Variants in HYDIN observed in about 807,000 individuals in gnomAD.
The protein encoded by HYDIN is HYDIN axonemal central pair apparatus protein, also known as axonemal central pair apparatus protein HYDIN.
In HYDIN, 132 loss-of-function variants were observed where a neutral mutation model predicts 403.9. The ratio of observed to expected loss-of-function variants is 0.33; its 90% CI spans 0.28 to 0.38. The LOEUF (loss-of-function observed/expected upper bound fraction) is 0.38, where lower values mean the gene tolerates loss of function less well. HYDIN is among the 10% of genes least tolerant of loss of function. HYDIN has a pLI of 1.00. For synonymous variants in HYDIN, 1,202 were observed against 1,891.7 expected, an observed-to-expected ratio of 0.64 and a Z score of 9.46; for missense variants, 2,827 against 5,009.5, an observed-to-expected ratio of 0.56 and a Z score of 13.15.
At chr16:70,840,767 T>C (rs1389992505) in intron 75 of HYDIN, among the ~76,000 whole-genome samples, 2 of 151,852 alleles carry the variant, frequency 1.3e-5, no homozygotes, top group African/African-American at 4.8e-5. Context: ...GGATGTCAGG[T>C]AGAATGGTCA....
At chr16:70,850,154 G>A (rs1266887315) in intron 74 of HYDIN, among the ~76,000 whole-genome samples, 1 of 152,078 alleles carries the variant, frequency 6.6e-6, no homozygotes, top group Non-Finnish European at 1.5e-5. Context: ...ATGGAGCAAA[G>A]TGGCAATTTA....
At chr16:70,841,944 G>A (rs1447819154) in intron 75 of HYDIN, among the ~76,000 whole-genome samples, 1 of 150,264 alleles carries the variant, frequency 6.7e-6, no homozygotes, top group Non-Finnish European at 1.5e-5. Flanking sequence ...ACAGGTTCCA[G>A]TGGTTTTACA....
rs531942220 is a variant in HYDIN, at chr16:70,802,787, T to C, written c.*4793A>G. ...AACTCGGCAAGTCATGGATATATCA[T>C]GTCTAGAAAAATCCATAAAAAATGT... On this transcript the variant is annotated 3_prime_UTR_variant, in exon 86 of 86. Coordinates refer to ENST00000393567, the MANE Select transcript of HYDIN (RefSeq NM_001270974.2). 1.3e-5 allele frequency: 2 copies of C among 152,240 alleles called. No homozygotes were observed. The highest frequency in any genetic ancestry group is 4.1e-4 in the South Asian group (2 of 4,838). 9.4% of individuals were successfully genotyped at this position (152,240 alleles called of 1,614,324 possible). A position where few individuals can be genotyped will look rare whatever the true frequency, so the allele number is the denominator to read the frequency against.
intron 44 of HYDIN, among the ~76,000 whole-genome samples, chr16:70,938,154 C>T (rs541176897): frequency 6.6e-6 from 1 of 152,370 alleles, no homozygotes; most frequent in South Asian, 2.1e-4. Context: ...GGGACCCAGG[C>T]AGGGGGAGGA....
rs1033720497 is a variant in HYDIN, at chr16:70,806,476, G to A, written c.*1104C>T. On this transcript the variant is annotated 3_prime_UTR_variant, in exon 86 of 86. Coordinates refer to ENST00000393567, the MANE Select transcript of HYDIN (RefSeq NM_001270974.2). ...TATAAGGACTTGCTAAAAGATTGCC[G>A]GGCCACACCTACAGACTTTTTGATT... 6.6e-6 allele frequency among the ~76,000 whole-genome samples: 1 copy of A among 152,148 alleles called. No homozygotes were observed. The highest frequency in any genetic ancestry group is 2.1e-4 in the South Asian group (1 of 4,830).
At position 71,000,915 on chromosome 16, in the gene HYDIN, G is replaced by C. The variant is rs1364686153; in HGVS notation, c.3645-8705C>G. On this transcript the variant is annotated intron_variant, in intron 23 of 85. Transcript: ENST00000393567. The stretch of plus-strand genomic sequence containing the variant: ...ACTAACAGTATCGTATTTGTAATGG[G>C]GCTCATGAGCGCGGACATTGATTAT... Among the ~76,000 whole-genome samples, 4 of 152,116 alleles carry C rather than the reference G, an allele frequency of 2.6e-5. 1 individual carries two copies. Among genetic ancestry groups the C allele is most frequent in the Non-Finnish European group, 4.4e-5 (3 of 68,024 alleles).
In HYDIN at chr16:70,920,868, C is replaced by T. The variant is rs2076974909; in HGVS notation, c.7508G>A (p.Gly2503Asp). The T allele has an allele frequency of 1.4e-5, 22 of 1,605,956 alleles. No individual in the cohort carries two copies. Among genetic ancestry groups the T allele is most frequent in the Non-Finnish European group, 1.8e-5 (21 of 1,175,746 alleles). Residue 2503 changes from glycine (G) to aspartate (D), a missense_variant, in exon 46 of 86, where the codon GGT becomes GAT. Physicochemically the swap from Gly to Asp is moderately conservative, Grantham distance 94. Transcript: ENST00000393567. The stretch of plus-strand genomic sequence containing the variant: ...CCGGTCCTTGCGGCCCCTGCGCCCA[C>T]CCAAGGGGACCTGGCGCTGGTCGTC... ...EPDDQRQVPL[G>D]GRRGRKDRER...
intron 1 of HYDIN, among the ~76,000 whole-genome samples, chr16:71,221,698 T>A (rs1032046866): frequency 3.9e-5 from 6 of 152,224 alleles, no homozygotes; most frequent in Admixed American, 2.0e-4. Context: ...TTTGATAGCA[T>A]CTACTTCAAC....
chr16:70,886,262 C>T (rs1338484343), intron 58 of HYDIN, among the ~76,000 whole-genome samples: 1 of 151,562 alleles, frequency 6.6e-6, no homozygotes, highest in Non-Finnish European at 1.5e-5. Flanking sequence ...AGTACACGCA[C>T]CTCAATTATA....
At chr16:71,017,350 CAAAAA>C (rs57153160) in intron 23 of HYDIN, among the ~76,000 whole-genome samples, 7 of 108,634 alleles carry the variant, frequency 6.4e-5, no homozygotes, top group Admixed American at 9.0e-5. Context: ...AACTCTGTCT[CAAAAA>C]AAAAAAAAAA....
At chr16:71,179,384 G>A (rs999664476) in intron 3 of HYDIN, among the ~76,000 whole-genome samples, 6 of 150,120 alleles carry the variant, frequency 4.0e-5, no homozygotes, top group African/African-American at 1.5e-4. Flanking sequence ...TTTTTACCTG[G>A]GGAAAGTCCC....
intron 10 of HYDIN, among the ~76,000 whole-genome samples, chr16:71,099,851 A>C (rs1235916661): frequency 6.6e-6 from 1 of 151,960 alleles, no homozygotes; most frequent in African/African-American, 2.4e-5. Flanking sequence ...CTTTTTAAAA[A>C]AGTTAGCCAG....
chr16:71,224,961 G>C (rs540065319), intron 1 of HYDIN, among the ~76,000 whole-genome samples: 1 of 152,114 alleles, frequency 6.6e-6, no homozygotes, highest in African/African-American at 2.4e-5. Flanking sequence ...TTTTCTCTGG[G>C]GACATTTGCT....
At chr16:70,852,631 A>G (rs898380091) in intron 73 of HYDIN, 3 of 149,570 alleles carry the variant, frequency 2.0e-5, no homozygotes, top group Admixed American at 6.7e-5. Flanking sequence ...GCTGAGCAGG[A>G]AACTGGAAAG....
chr16:70,824,472 C>G (rs1371794312), intron 83 of HYDIN, among the ~76,000 whole-genome samples: 2 of 150,626 alleles, frequency 1.3e-5, no homozygotes, highest in African/African-American at 2.4e-5. Flanking sequence ...TTTAAAATTA[C>G]CTATCAATTT....
chr16:70,979,037 AT>A lies in HYDIN; in HGVS notation c.4514del (p.Asn1505MetfsTer8), dbSNP rs768112201. Reference protein sequence around the residue: ...CLDLPRNLTANEKYEMFLNQA... With the variant: ...CLDLPRNLTAXEKYEMFLNQA... Reference sequence around the variant, plus strand: ...GATTCAAGAACATTTCATACTTTTCATTTGCTGTACCAGGGTGGGGAGTGGG... The same window carrying A: ...GATTCAAGAACATTTCATACTTTTCATTGCTGTACCAGGGTGGGGAGTGGG... On this transcript the variant is annotated frameshift_variant, in exon 30 of 86. Coordinates refer to ENST00000393567, the MANE Select transcript of HYDIN (RefSeq NM_001270974.2). LOFTEE classifies it high-confidence loss of function. 2 of 1,610,434 alleles carry A rather than the reference AT, an allele frequency of 1.2e-6. No homozygotes were observed. The highest frequency in any genetic ancestry group is 1.7e-6 in the Non-Finnish European group (2 of 1,179,000).
At chr16:70,829,895 G>C in intron 80 of HYDIN, 65 bp from the exon 81 acceptor site, 1 of 1,430,300 alleles carries the variant, frequency 7.0e-7, no homozygotes. Context: ...AGGGCCAGAA[G>C]TACAGAATGT....
At chr16:70,908,128 G>A (rs1409930531) in intron 49 of HYDIN, 124 bp downstream of exon 49, 3 of 721,498 alleles carry the variant, frequency 4.2e-6, no homozygotes, top group Non-Finnish European at 4.5e-6. Context: ...AAGCTGATAT[G>A]ACAAGAGGGG....
At chr16:70,948,336 C>T (rs924547143) in intron 41 of HYDIN, among the ~76,000 whole-genome samples, 10 of 152,178 alleles carry the variant, frequency 6.6e-5, no homozygotes, top group Non-Finnish European at 1.3e-4. Context: ...CAATGTTAGT[C>T]CTAAAACCAT....
Sources: gnomAD v4.1 joint callset for allele counts (sites outside exome capture counted in the v4.1 genomes callset) on GRCh38, gnomAD v4.1.1 for gene constraint, MANE v1.5 for transcripts, NCBI Gene and HGNC (gene_info 2026-07-23, HGNC 2026-07-21) for gene names.